Variants in PCDH15 observed in about 807,000 individuals in gnomAD.
PCDH15 encodes protocadherin-15.
PCDH15 carries 129 observed loss-of-function variants against 178.5 expected under a neutral mutation model. That is an observed-to-expected ratio of 0.72 (90% CI 0.63 to 0.84). The LOEUF (loss-of-function observed/expected upper bound fraction) is 0.84. PCDH15 is among the 40% of genes least tolerant of loss of function. The pLI is 0.00. For synonymous variants in PCDH15, 800 were observed against 732.0 expected (o/e 1.09, Z -1.50); for missense variants, 2,230 against 2,099.9 (o/e 1.06, Z -1.21).
intron 2 of PCDH15, among the ~76,000 whole-genome samples, chr10:55,334,242 A>ATGTGTGTGTGTGTG (rs1208145029): frequency 1.8e-4 from 13 of 72,130 alleles, no homozygotes; most frequent in Admixed American, 3.1e-4. Flanking sequence ...ATATATATAT[A>ATGTGTGTGTGTGTG]TGTGTGTGTG....
chr10:53,886,827 G>T (rs1038871023), intron 26 of PCDH15, among the ~76,000 whole-genome samples: 16 of 151,994 alleles, frequency 1.1e-4, no homozygotes, highest in African/African-American at 3.9e-4. Context: ...TTTTTCCTAT[G>T]ATGTTTGTTC....
intron 2 of PCDH15, among the ~76,000 whole-genome samples, chr10:55,482,153 CT>C (rs1840196205): frequency 6.6e-6 from 1 of 151,640 alleles, no homozygotes; most frequent in African/African-American, 2.4e-5. Flanking sequence ...GCAACCTCTG[CT>C]TTTTTCTGTT....
At chr10:54,714,392 C>G (rs990511568) in intron 1 of PCDH15, among the ~76,000 whole-genome samples, 1 of 152,070 alleles carries the variant, frequency 6.6e-6, no homozygotes, top group East Asian at 1.9e-4. Context: ...TGTGTCCAGT[C>G]GCAATGTATA....
intron 32 of PCDH15, among the ~76,000 whole-genome samples, chr10:53,826,295 G>GATCAATTTT (rs1190684022): frequency 6.6e-6 from 1 of 151,896 alleles, no homozygotes; most frequent in Non-Finnish European, 1.5e-5. Flanking sequence ...ATAGCATTAA[G>GATCAATTTT]ATCAATTTTA....
chr10:54,049,987 A>G (rs1158335341), intron 18 of PCDH15, among the ~76,000 whole-genome samples: 6 of 151,954 alleles, frequency 3.9e-5, no homozygotes, highest in Admixed American at 3.9e-4. Flanking sequence ...GAAGATTTTT[A>G]TGTCTCTGTT....
intron 8 of PCDH15, among the ~76,000 whole-genome samples, chr10:54,248,095 A>T (rs988593207): frequency 1.3e-5 from 2 of 151,574 alleles, no homozygotes; most frequent in South Asian, 2.1e-4. Context: ...GGAGAAAAAA[A>T]TTTTCATTTG....
At chr10:54,607,277 T>A (rs1319800170) in intron 2 of PCDH15, among the ~76,000 whole-genome samples, 2 of 152,090 alleles carry the variant, frequency 1.3e-5, no homozygotes, top group East Asian at 3.9e-4. Flanking sequence ...TAAAATTGAG[T>A]TTATGTGCAA....
intron 2 of PCDH15, among the ~76,000 whole-genome samples, chr10:55,388,195 G>A (rs1312321274): frequency 6.6e-6 from 1 of 151,910 alleles, no homozygotes; most frequent in Non-Finnish European, 1.5e-5. Context: ...ACAAATATCA[G>A]TCTCTCCCGC....
intron 2 of PCDH15, among the ~76,000 whole-genome samples, chr10:55,141,149 CTCT>C (rs1376000679): frequency 3.9e-5 from 6 of 151,924 alleles, no homozygotes; most frequent in Admixed American, 6.6e-5. Context: ...TTTAAGTCTG[CTCT>C]TCTTCTTCTG....
intron 2 of PCDH15, among the ~76,000 whole-genome samples, chr10:55,626,048 C>T (rs111732193): frequency 3.4e-4 from 52 of 151,810 alleles, no homozygotes; most frequent in African/African-American, 1.1e-3. Context: ...CTGTGAGCTG[C>T]CCTAAGAGAA....
At chr10:54,161,567 T>C (rs77983165) in intron 13 of PCDH15, among the ~76,000 whole-genome samples, 2,112 of 147,184 alleles carry the variant, frequency 0.014, 45 homozygotes, top group African/African-American at 0.049. Context: ...GGTCTTTGAA[T>C]AAACACAGAA....
At chr10:55,395,769 A>G (rs1301569706) in intron 2 of PCDH15, among the ~76,000 whole-genome samples, 1 of 152,098 alleles carries the variant, frequency 6.6e-6, no homozygotes, top group Non-Finnish European at 1.5e-5. Context: ...ATCAACACAT[A>G]ATAAAAGAAA....
intron 15 of PCDH15, among the ~76,000 whole-genome samples, chr10:54,108,184 T>G (rs766918518): frequency 2.8e-4 from 43 of 152,098 alleles, no homozygotes; most frequent in Non-Finnish European, 4.4e-5. Flanking sequence ...AGGTGAGCAC[T>G]CACAGTACCT....
intron 1 of PCDH15, among the ~76,000 whole-genome samples, chr10:54,731,557 T>TACACAC (rs1566067357): frequency 1.0e-3 from 49 of 48,938 alleles, no homozygotes; most frequent in African/African-American, 3.1e-3. Flanking sequence ...TATATATATA[T>TACACAC]ATATATACAC....
intron 11 of PCDH15, among the ~76,000 whole-genome samples, chr10:54,185,881 A>AC (rs1459707313): frequency 2.0e-5 from 3 of 152,090 alleles, no homozygotes; most frequent in Non-Finnish European, 2.9e-5. Context: ...ATTTGATTTA[A>AC]AATATGCATA....
At chr10:55,273,039 C>T (rs780013683) in intron 1 of PCDH15, among the ~76,000 whole-genome samples, 60 of 151,998 alleles carry the variant, frequency 3.9e-4, no homozygotes, top group Admixed American at 1.6e-3. Context: ...TTTTTATAAG[C>T]CCAAGCAGAT....
intron 19 of PCDH15, among the ~76,000 whole-genome samples, chr10:54,022,629 T>C (rs979734420): frequency 8.5e-5 from 13 of 152,126 alleles, no homozygotes; most frequent in African/African-American, 3.1e-4. Flanking sequence ...CTTTTGTAAA[T>C]TAAAAAACTA....
intron 2 of PCDH15, among the ~76,000 whole-genome samples, chr10:54,589,678 A>G (rs1011191034): frequency 1.6e-4 from 25 of 151,984 alleles, no homozygotes; most frequent in African/African-American, 5.8e-4. Context: ...TTTTTCTGAG[A>G]CAGAGTCTTG....
chr10:54,879,257 A>G (rs1954215899), intron 3 of PCDH15, among the ~76,000 whole-genome samples: 1 of 151,834 alleles, frequency 6.6e-6, no homozygotes, highest in African/African-American at 2.4e-5. Flanking sequence ...TTATTTAGGT[A>G]TAATGTTGGC....
Sources: allele counts gnomAD v4.1 joint callset (sites outside exome capture counted in the v4.1 genomes callset), GRCh38; gene constraint gnomAD v4.1.1; transcripts MANE v1.5; gene names NCBI Gene and HGNC (gene_info 2026-07-23, HGNC 2026-07-21).